The following TUSC3 variants were observed in gnomAD, a reference collection of about 807,000 sequenced individuals.
TUSC3 encodes the protein dolichyl-diphosphooligosaccharide--protein glycosyltransferase subunit TUSC3.
In TUSC3, 45 loss-of-function variants were observed where a neutral mutation model predicts 44.8. The observed-to-expected ratio is 1.00, with a 90% CI of 0.79 to 1.29. The LOEUF (loss-of-function observed/expected upper bound fraction) is 1.29, where lower values mean the gene tolerates loss of function less well. Ranked by LOEUF, TUSC3 falls within the 50% of genes most tolerant of loss-of-function variation. The pLI, the probability that TUSC3 is intolerant of heterozygous loss-of-function variation, is 0.00. For synonymous variants in TUSC3, 212 were observed against 152.9 expected, an observed-to-expected ratio of 1.39 and a Z score of -2.85; for missense variants, 519 against 437.9, an observed-to-expected ratio of 1.19 and a Z score of -1.65.
rs181244316 is a variant in TUSC3 at position 15,666,202 on chromosome 8, T to G, written c.708+3906T>G. On this transcript the variant is annotated intron_variant, in intron 5 of 10. Transcript: ENST00000503731. Reference sequence around the variant, plus strand: ...AAAGGTCCTCATAGGTGACTGTCATTTCAAGCCAGAAAATATTAGTAGGAT... The same window carrying G: ...AAAGGTCCTCATAGGTGACTGTCATGTCAAGCCAGAAAATATTAGTAGGAT... 1.1e-3 allele frequency among the ~76,000 whole-genome samples: 174 copies of G among 151,586 alleles called. 1 individual carries two copies. The highest frequency in any genetic ancestry group is 4.0e-3 in the African/African-American group (164 of 41,476).
At chr8:15,547,914 T>C (rs1426740489) in intron 1 of TUSC3, among the ~76,000 whole-genome samples, 1 of 151,850 alleles carries the variant, frequency 6.6e-6, no homozygotes, top group Non-Finnish European at 1.5e-5. Context: ...ATTTTCATAA[T>C]AATAAATATA....
chr8:15,425,148 T>C (rs1414188407), intron 1 of TUSC3, among the ~76,000 whole-genome samples: 1 of 152,144 alleles, frequency 6.6e-6, no homozygotes, highest in Non-Finnish European at 1.5e-5. Context: ...TGAAAGGTAA[T>C]GTCTTGCAAG....
chr8:15,528,536 C>T (rs1801406980), intron 2 of TUSC3, among the ~76,000 whole-genome samples: 1 of 152,196 alleles, frequency 6.6e-6, no homozygotes, highest in South Asian at 2.1e-4. Context: ...GCAGCAAACT[C>T]ATATCTGTCC....
At chr8:15,639,414 A>T (rs1332608071) in intron 2 of TUSC3, among the ~76,000 whole-genome samples, 1 of 152,242 alleles carries the variant, frequency 6.6e-6, no homozygotes, top group African/African-American at 2.4e-5. Flanking sequence ...TGAAAAACTC[A>T]TTGAAAAGTT....
downstream of TUSC3, among the ~76,000 whole-genome samples, chr8:15,767,732 G>A (rs1310829294): frequency 6.6e-6 from 1 of 152,094 alleles, no homozygotes; most frequent in East Asian, 1.9e-4. Context: ...GCCTTCGGTT[G>A]ACGTAACTCA....
At chr8:15,673,971 C>A in intron 6 of TUSC3, 135 bp downstream of exon 6, 2 of 718,902 alleles carry the variant, frequency 2.8e-6, no homozygotes, top group Non-Finnish European at 4.7e-6. Context: ...CATTTACTAC[C>A]TGTGTCACCT....
chr8:15,566,749 A>G (rs147296241), intron 1 of TUSC3, among the ~76,000 whole-genome samples: 36 of 151,974 alleles, frequency 2.4e-4, no homozygotes, highest in Non-Finnish European at 4.9e-4. Context: ...TTAGTCTCCT[A>G]AGTAGCTGGG....
At chr8:15,539,510 C>T (rs1037270365), upstream of TUSC3, among the ~76,000 whole-genome samples, 1 of 151,558 alleles carries the variant, frequency 6.6e-6, no homozygotes, top group Non-Finnish European at 1.5e-5. Context: ...TCCACCATGC[C>T]CGGCTACTTT....
chr8:15,460,382 G>T (rs535360305), intron 1 of TUSC3, among the ~76,000 whole-genome samples: 1 of 152,018 alleles, frequency 6.6e-6, no homozygotes, highest in East Asian at 1.9e-4. Context: ...TTTTCTATGG[G>T]ATTGCTTGTT....
intron 10 of TUSC3, among the ~76,000 whole-genome samples, chr8:15,759,787 G>A (rs1478922048): frequency 6.6e-6 from 1 of 152,042 alleles, no homozygotes; most frequent in African/African-American, 2.4e-5. Context: ...TCCAGAACCA[G>A]ACCTGAATAC....
intron 1 of TUSC3, among the ~76,000 whole-genome samples, chr8:15,435,155 T>C (rs28689788): frequency 6.8e-6 from 1 of 147,124 alleles, no homozygotes; most frequent in Middle Eastern, 3.2e-3. Context: ...CCCACCAACA[T>C]TGTAAAAGTG....
the TUSC3 span, among the ~76,000 whole-genome samples, chr8:15,802,473 G>A: frequency 7.2e-5 from 11 of 152,154 alleles, no homozygotes; most frequent in African/African-American, 2.4e-4. Context: ...CCAGGCTGGA[G>A]TGCAGCGGCG....
At chr8:15,813,980 G>A in the TUSC3 span, among the ~76,000 whole-genome samples, 1 of 152,146 alleles carries the variant, frequency 6.6e-6, no homozygotes, top group Non-Finnish European at 1.5e-5. Context: ...CAAAATGATA[G>A]CATCTACCTC....
At chr8:15,805,493 G>T in the TUSC3 span, among the ~76,000 whole-genome samples, 1 of 152,204 alleles carries the variant, frequency 6.6e-6, no homozygotes, top group Non-Finnish European at 1.5e-5. Context: ...TTATTATTTT[G>T]ATGTATGTTC....
chr8:15,770,658 T>C (rs138060299), downstream of TUSC3, among the ~76,000 whole-genome samples: 59 of 152,256 alleles, frequency 3.9e-4, 1 homozygote, highest in East Asian at 8.7e-3. Context: ...ATTGGAAAAG[T>C]CATTAGGCTT....
At chr8:15,497,134 G>T (rs1839848832) in intron 2 of TUSC3, among the ~76,000 whole-genome samples, 1 of 152,146 alleles carries the variant, frequency 6.6e-6, no homozygotes, top group African/African-American at 2.4e-5. Flanking sequence ...TAAAAGGTAT[G>T]GTGGTTGTCG....
chr8:15,704,187 G>C (rs1809520517), intron 6 of TUSC3, among the ~76,000 whole-genome samples: 2 of 151,178 alleles, frequency 1.3e-5, no homozygotes, highest in African/African-American at 4.9e-5. Context: ...AAATGAGAGA[G>C]TGATTTATAT....
At chr8:15,777,889 C>A in the TUSC3 span, among the ~76,000 whole-genome samples, 1 of 151,882 alleles carries the variant, frequency 6.6e-6, no homozygotes, top group Non-Finnish European at 1.5e-5. Context: ...GTGTCAGTCC[C>A]TTGGAGGAAT....
At chr8:15,639,458 C>A (rs964531741) in intron 2 of TUSC3, among the ~76,000 whole-genome samples, 4 of 152,170 alleles carry the variant, frequency 2.6e-5, no homozygotes. Flanking sequence ...AAAGATCATA[C>A]AAAACGGTGC....
Sources: allele counts gnomAD v4.1 joint callset (sites outside exome capture counted in the v4.1 genomes callset), GRCh38; gene constraint gnomAD v4.1.1; transcripts MANE v1.5; gene names NCBI Gene and HGNC (gene_info 2026-07-23, HGNC 2026-07-21).